Variants in IL1RAPL2 observed in about 807,000 individuals in gnomAD.
IL1RAPL2 encodes the protein X-linked interleukin-1 receptor accessory protein-like 2.
Under a neutral mutation model 44.1 loss-of-function variants are expected in IL1RAPL2, and 3 were observed. That is an observed-to-expected ratio of 0.07 (90% CI 0.03 to 0.18). The LOEUF is 0.18. Ranked by LOEUF, IL1RAPL2 falls within the 10% of genes least tolerant of loss-of-function variation. The pLI is 1.00. For synonymous variants in IL1RAPL2, 181 were observed against 178.8 expected (o/e 1.01, Z -0.10); for missense variants, 391 against 496.4 (o/e 0.79, Z 2.02).
rs769323093 is a variant in IL1RAPL2 at position 105,093,852 on chromosome X, C to A, written c.83-101623C>A. Among the ~76,000 whole-genome samples, 50 of 111,563 alleles carry A rather than the reference C, an allele frequency of 4.5e-4. No individual in the cohort carries two copies. The East Asian group carries it at 4.8e-3, about 11-fold the overall frequency. ...TAGGAAAATTATTTTGCTTCTCCAA[C>A]CCTCAGTCTCCTCACTTGTATAATT... On this transcript the variant is annotated intron_variant, in intron 2 of 10. Transcript: ENST00000372582.
At chrX:105,645,622 A>T (rs976712217) in intron 6 of IL1RAPL2, among the ~76,000 whole-genome samples, 1 of 112,014 alleles carries the variant, frequency 8.9e-6, no homozygotes. Context: ...AAGGTAGTTG[A>T]TATCTCTGAA....
chrX:104,776,845 T>G (rs1016572389), intron 2 of IL1RAPL2, among the ~76,000 whole-genome samples: 5 of 111,807 alleles, frequency 4.5e-5, no homozygotes, highest in Admixed American at 9.5e-5. Flanking sequence ...GAACCAATAT[T>G]TATGCATTAT....
chrX:105,334,220 A>G (rs1289100347), intron 5 of IL1RAPL2, among the ~76,000 whole-genome samples: 1 of 112,045 alleles, frequency 8.9e-6, no homozygotes, highest in Non-Finnish European at 1.9e-5. Context: ...TTGCAGCCAC[A>G]TAGATGGAAC....
intron 5 of IL1RAPL2, among the ~76,000 whole-genome samples, chrX:105,480,926 C>T (rs1196541128): frequency 8.9e-6 from 1 of 111,750 alleles, no homozygotes; most frequent in African/African-American, 3.3e-5. Context: ...ATTCTCAGGC[C>T]TAAACATGAT....
rs184023981 is a variant in IL1RAPL2 at position 105,456,906 on chromosome X, A to C, written c.698-27407A>C. Among the ~76,000 whole-genome samples the C allele has an allele frequency of 3.6e-5, 4 of 111,217 alleles. No individual in the cohort carries two copies. The East Asian group carries it at 1.1e-3, about 31-fold the overall frequency. ...GATATGGTCTGTCTCATTTTAAAGT[A>C]TCCTTTACATACTTTAAAATTGTGT... On this transcript the variant is annotated intron_variant, in intron 5 of 10. Transcript: ENST00000372582.
intron 5 of IL1RAPL2, among the ~76,000 whole-genome samples, chrX:105,364,281 A>G (rs970438565): frequency 4.5e-5 from 5 of 111,367 alleles, no homozygotes; most frequent in Non-Finnish European, 9.4e-5. Context: ...TGGTCAATGT[A>G]TCTCTTTTTA....
At chrX:105,684,026 A>G (rs1007546602) in intron 6 of IL1RAPL2, among the ~76,000 whole-genome samples, 1 of 112,510 alleles carries the variant, frequency 8.9e-6, no homozygotes, top group Non-Finnish European at 1.9e-5. Context: ...ATGACTATCT[A>G]TTAATTAACC....
intron 4 of IL1RAPL2, among the ~76,000 whole-genome samples, chrX:105,244,487 G>T (rs775126048): frequency 9.0e-6 from 1 of 111,583 alleles, no homozygotes; most frequent in South Asian, 3.8e-4. Flanking sequence ...GACCTAGTCC[G>T]CTTTCTGCCA....
intron 2 of IL1RAPL2, among the ~76,000 whole-genome samples, chrX:104,737,689 A>C (rs549252995): frequency 3.1e-4 from 35 of 112,029 alleles, no homozygotes; most frequent in African/African-American, 1.1e-3. Flanking sequence ...CCTTTCAGTC[A>C]GTGAGATGAC....
At chrX:104,779,474 G>A (rs1932758715) in intron 2 of IL1RAPL2, among the ~76,000 whole-genome samples, 1 of 112,161 alleles carries the variant, frequency 8.9e-6, no homozygotes, top group South Asian at 3.7e-4. Flanking sequence ...ATGAAACATA[G>A]CATTCTACCA....
At chrX:104,763,643 A>C (rs1430168783) in intron 2 of IL1RAPL2, among the ~76,000 whole-genome samples, 1 of 111,940 alleles carries the variant, frequency 8.9e-6, no homozygotes, top group East Asian at 2.8e-4. Context: ...GTAGAAGAGG[A>C]AGCAAACATG....
At chrX:104,588,098 A>G (rs887125091) in intron 1 of IL1RAPL2, among the ~76,000 whole-genome samples, 1 of 111,902 alleles carries the variant, frequency 8.9e-6, no homozygotes. Context: ...GCTGCGTATC[A>G]CCTGCCTCTC....
chrX:105,253,855 T>C (rs963153598), intron 4 of IL1RAPL2, among the ~76,000 whole-genome samples: 1 of 111,964 alleles, frequency 8.9e-6, no homozygotes, highest in Non-Finnish European at 1.9e-5. Context: ...TCCAGCTCCA[T>C]CCATGTTCCC....
chrX:105,057,103 T>C (rs894719955), intron 2 of IL1RAPL2, among the ~76,000 whole-genome samples: 2 of 90,162 alleles, frequency 2.2e-5, no homozygotes, highest in Non-Finnish European at 4.3e-5. Context: ...CCTGGGCCAT[T>C]TAAAAATTAA....
intron 2 of IL1RAPL2, among the ~76,000 whole-genome samples, chrX:104,966,918 A>G (rs1408473085): frequency 1.8e-5 from 2 of 112,328 alleles, no homozygotes; most frequent in Admixed American, 1.9e-4. Context: ...AGTGTCACAA[A>G]ATCTACTTTT....
At chrX:104,945,552 A>C (rs1925321090) in intron 2 of IL1RAPL2, among the ~76,000 whole-genome samples, 1 of 111,997 alleles carries the variant, frequency 8.9e-6, no homozygotes, top group South Asian at 3.7e-4. Context: ...TGTATGATAT[A>C]CAGGGCTCAT....
chrX:105,324,006 C>G (rs1603065890), intron 5 of IL1RAPL2, among the ~76,000 whole-genome samples: 1 of 111,251 alleles, frequency 9.0e-6, no homozygotes, highest in Non-Finnish European at 1.9e-5. Flanking sequence ...AAAAATAGGA[C>G]AAAATTCTGT....
intron 6 of IL1RAPL2, among the ~76,000 whole-genome samples, chrX:105,614,279 C>G (rs2147828080): frequency 8.9e-6 from 1 of 111,797 alleles, no homozygotes; most frequent in East Asian, 2.8e-4. Context: ...AAATTTAACA[C>G]AAACTCTTTG....
At chrX:105,269,630 A>G (rs184231020) in intron 5 of IL1RAPL2, among the ~76,000 whole-genome samples, 18 of 111,700 alleles carry the variant, frequency 1.6e-4, no homozygotes, top group Non-Finnish European at 3.2e-4. Context: ...AACATGAACT[A>G]GACTTCCCTG....
Sources: gnomAD v4.1 joint callset for allele counts (sites outside exome capture counted in the v4.1 genomes callset) on GRCh38, gnomAD v4.1.1 for gene constraint, MANE v1.5 for transcripts, NCBI Gene and HGNC (gene_info 2026-07-23, HGNC 2026-07-21) for gene names.